Variants in VSTM5 observed in about 807,000 individuals in gnomAD.
The protein encoded by VSTM5 is V-set and transmembrane domain-containing protein 5.
In VSTM5, 21 loss-of-function variants were observed where a neutral mutation model predicts 20.3. That is an observed-to-expected ratio of 1.03 (90% CI 0.73 to 1.49). The LOEUF is 1.49. VSTM5 is among the 40% of genes most tolerant of loss of function. The probability of loss-of-function intolerance (pLI) is 0.00; values close to 1 mark genes in which losing one functional copy is unlikely to be tolerated. For missense variants in VSTM5, 219 were observed against 250.0 expected, an observed-to-expected ratio of 0.88 and a Z score of 0.84; for synonymous variants, 100 against 102.5, an observed-to-expected ratio of 0.98 and a Z score of 0.14.
At chr11:93,837,284 G>A (rs1200553138) in intron 1 of VSTM5, among the ~76,000 whole-genome samples, 12 of 152,082 alleles carry the variant, frequency 7.9e-5, no homozygotes, top group Admixed American at 7.9e-4. Flanking sequence ...TGCCCACCTT[G>A]GCCTCCCAAA....
chr11:93,832,098 A>G (rs1014151874), intron 1 of VSTM5, among the ~76,000 whole-genome samples: 1 of 152,234 alleles, frequency 6.6e-6, no homozygotes, highest in African/African-American at 2.4e-5. Context: ...TATATGTGTC[A>G]CTGTTGTCAT....
intron 1 of VSTM5, among the ~76,000 whole-genome samples, chr11:93,824,346 A>G (rs1944215616): frequency 1.3e-5 from 2 of 151,972 alleles, no homozygotes; most frequent in African/African-American, 2.4e-5. Flanking sequence ...TGTCTTTTTG[A>G]TAATAGCCAG....
At chr11:93,838,791 C>T (rs66963387) in intron 1 of VSTM5, among the ~76,000 whole-genome samples, 28,801 of 152,112 alleles carry the variant, frequency 0.19, 3,156 homozygotes, top group African/African-American at 0.31. Context: ...GAGCGAGACC[C>T]TGTCTAAAAA....
chr11:93,843,417 G>T (rs1944387314), intron 1 of VSTM5, among the ~76,000 whole-genome samples: 1 of 152,088 alleles, frequency 6.6e-6, no homozygotes, highest in Non-Finnish European at 1.5e-5. Flanking sequence ...AATCCCCAGG[G>T]CCTAGCACAG....
At position 93,850,553 on chromosome 11, in the gene VSTM5, T is replaced by A. The variant is rs921013672; in HGVS notation, c.-51A>T. ...GGGGTGTGTGCTGGCCGCACCGCGC[T>A]GCAGCTCCTATGCAGCCTTCTCTCT... On this transcript the variant is annotated 5_prime_UTR_variant, in exon 1 of 4. Coordinates refer to ENST00000409977, the MANE Select transcript of VSTM5 (RefSeq NM_001144871.2). 7.1e-6 allele frequency: 10 copies of A among 1,408,304 alleles called. No homozygotes were observed. The highest frequency in any genetic ancestry group is 9.7e-6 in the Non-Finnish European group (10 of 1,033,470). The allele number at this position is 1,408,304 out of a possible 1,614,324, so 87.2% of individuals were successfully genotyped here. A position where few individuals can be genotyped will look rare whatever the true frequency, so the allele number is the denominator to read the frequency against.
Position 93,821,215 on chromosome 11 carries a change from C to T in VSTM5, c.200G>A (p.Trp67Ter). 1 of 1,552,026 alleles carries T rather than the reference C, an allele frequency of 6.4e-7. No individual in the cohort carries two copies. ...CGTTCCCCAATTGGATGAATATGTCCATTCGATGGTGGGCACTCCATGACA... is the reference window on the plus strand; with the variant it reads ...CGTTCCCCAATTGGATGAATATGTCTATTCGATGGTGGGCACTCCATGACA... ...YSCHGVPTIE[W>*]TYSSNWGTQK... The change falls in exon 2 of 4, where the codon TGG (tryptophan) becomes TAG (stop). Residue 67 changes from tryptophan to a stop codon, truncating the protein, a stop_gained. Coordinates refer to ENST00000409977, the MANE Select transcript of VSTM5 (RefSeq NM_001144871.2). LOFTEE classifies it high-confidence loss of function.
intron 1 of VSTM5, among the ~76,000 whole-genome samples, chr11:93,849,321 C>A (rs1340844224): frequency 6.6e-6 from 1 of 152,154 alleles, no homozygotes; most frequent in Non-Finnish European, 1.5e-5. Flanking sequence ...CCACACCCAG[C>A]TAATTTTTTC....
intron 1 of VSTM5, among the ~76,000 whole-genome samples, chr11:93,835,323 TGA>T (rs955121862): frequency 6.6e-6 from 1 of 152,006 alleles, no homozygotes; most frequent in Admixed American, 6.6e-5. Flanking sequence ...CTCAGGAGAC[TGA>T]GGGGGGAAGA....
intron 1 of VSTM5, among the ~76,000 whole-genome samples, chr11:93,826,705 C>CT: frequency 6.6e-6 from 1 of 152,210 alleles, no homozygotes; most frequent in African/African-American, 2.4e-5. Context: ...AGCCCGACAT[C>CT]TTTTTTCTTA....
chr11:93,823,032 G>C (rs1342341300), intron 1 of VSTM5, among the ~76,000 whole-genome samples: 1 of 152,062 alleles, frequency 6.6e-6, no homozygotes, highest in African/African-American at 2.4e-5. Context: ...CACCCTCATG[G>C]AACTTCACTT....
At chr11:93,825,846 G>C (rs1944229679) in intron 1 of VSTM5, among the ~76,000 whole-genome samples, 1 of 150,486 alleles carries the variant, frequency 6.6e-6, no homozygotes. Context: ...TTGGCTCACT[G>C]CAGCCTTGAC....
intron 1 of VSTM5, among the ~76,000 whole-genome samples, chr11:93,841,525 T>C (rs1477240130): frequency 2.0e-5 from 3 of 152,216 alleles, no homozygotes; most frequent in African/African-American, 4.8e-5. Context: ...TTTGGCTCCA[T>C]TAGAACCACC....
intron 1 of VSTM5, among the ~76,000 whole-genome samples, chr11:93,840,475 C>G (rs1944361876): frequency 6.6e-6 from 1 of 152,216 alleles, no homozygotes; most frequent in Non-Finnish European, 1.5e-5. Context: ...GGCACAACGC[C>G]TGAAGCCAAA....
chr11:93,820,449 T>C lies in VSTM5; in HGVS notation c.*120A>G. On this transcript the variant is annotated 3_prime_UTR_variant, in exon 4 of 4. Coordinates refer to ENST00000409977, the MANE Select transcript of VSTM5 (RefSeq NM_001144871.2). ...GCAGTCAATGTTGTTAATCTCCCAC[T>C]GTCCTGTTAGGAGCGGGCTGCAACA... 2 of 1,039,034 alleles carry C rather than the reference T, an allele frequency of 1.9e-6. No homozygotes were observed. The highest frequency in any genetic ancestry group is 3.0e-4 in the Middle Eastern group (1 of 3,320). The allele number at this position is 1,039,034 out of a possible 1,614,324, so 64.4% of individuals were successfully genotyped here. A position where few individuals can be genotyped will look rare whatever the true frequency, so the allele number is the denominator to read the frequency against.
intron 1 of VSTM5, among the ~76,000 whole-genome samples, chr11:93,840,246 T>A (rs1302974747): frequency 1.3e-5 from 2 of 152,246 alleles, no homozygotes; most frequent in East Asian, 3.8e-4. Context: ...AGCTAATCTG[T>A]TGTTTTCAAA....
Position 93,820,423 on chromosome 11 carries a change from T to C in VSTM5, c.*146A>G. ...GTCCCATCCACAGTCCTCAACTCCA[T>C]GCAGTCAATGTTGTTAATCTCCCAC... On this transcript the variant is annotated 3_prime_UTR_variant, in exon 4 of 4. Coordinates refer to ENST00000409977, the MANE Select transcript of VSTM5 (RefSeq NM_001144871.2). 1 of 807,650 alleles carries C rather than the reference T, an allele frequency of 1.2e-6. No homozygotes were observed. Among genetic ancestry groups the C allele is most frequent in the Admixed American group, 2.4e-5 (1 of 41,190 alleles). 50.0% of individuals were successfully genotyped at this position (807,650 alleles called of 1,614,324 possible). A position where few individuals can be genotyped will look rare whatever the true frequency, so the allele number is the denominator to read the frequency against.
At chr11:93,825,155 C>T (rs181380481) in intron 1 of VSTM5, among the ~76,000 whole-genome samples, 30 of 152,200 alleles carry the variant, frequency 2.0e-4, no homozygotes, top group Non-Finnish European at 4.0e-4. Context: ...ATCTTTTGTG[C>T]TTCTATATGA....
intron 1 of VSTM5, among the ~76,000 whole-genome samples, chr11:93,849,626 G>T (rs7123628): frequency 0.17 from 25,246 of 152,178 alleles, 2,507 homozygotes; most frequent in African/African-American, 0.28. Flanking sequence ...CACCTCCAGC[G>T]GCCCTGCTCT....
At chr11:93,823,968 C>A (rs902396511) in intron 1 of VSTM5, among the ~76,000 whole-genome samples, 1 of 143,634 alleles carries the variant, frequency 7.0e-6, no homozygotes, top group Non-Finnish European at 1.5e-5. Context: ...AGTGCAGTGG[C>A]GCAATCTCGG....
Sources: allele counts gnomAD v4.1 joint callset (sites outside exome capture counted in the v4.1 genomes callset), GRCh38; gene constraint gnomAD v4.1.1; transcripts MANE v1.5; gene names NCBI Gene and HGNC (gene_info 2026-07-23, HGNC 2026-07-21).